The following CD4 variants were observed in gnomAD, a reference collection of about 807,000 sequenced individuals.
CD4 encodes T-cell surface glycoprotein CD4.
CD4 carries 25 observed loss-of-function variants against 50.5 expected under a neutral mutation model. The ratio of observed to expected loss-of-function variants is 0.49; its 90% CI spans 0.36 to 0.69. The LOEUF (loss-of-function observed/expected upper bound fraction) is 0.69, where lower values mean the gene tolerates loss of function less well. Ranked by LOEUF, CD4 falls within the 30% of genes least tolerant of loss-of-function variation. CD4 has a pLI of 0.00. For synonymous variants in CD4, 207 were observed against 221.9 expected (o/e 0.93, Z 0.60); for missense variants, 456 against 548.5 (o/e 0.83, Z 1.68).
At chr12:6,790,686 C>T (rs548904102) in intron 1 of CD4, among the ~76,000 whole-genome samples, 1 of 152,326 alleles carries the variant, frequency 6.6e-6, no homozygotes, top group East Asian at 1.9e-4. Flanking sequence ...CGCCCTCAGA[C>T]CTTTCCAGCC....
At chr12:6,799,637 C>T (rs11575094) in intron 1 of CD4, 507 of 155,612 alleles carry the variant, frequency 3.3e-3, no homozygotes, top group Admixed American at 4.3e-3. Context: ...CATGCCACCA[C>T]GCCCGGCTAA....
chr12:6,793,686 ATCT>A (rs1942250962), intron 1 of CD4, among the ~76,000 whole-genome samples: 1 of 95,116 alleles, frequency 1.1e-5, no homozygotes, highest in Non-Finnish European at 2.0e-5. Context: ...CTATCTATCT[ATCT>A]ATCTATCTAT....
rs28917506 is a variant in CD4 at position 6,815,168 on chromosome 12, G to A, written c.607+176G>A. ...GACTCACTGGGGCCCTCATCCTCAG[G>A]GGGCTGATTGGCAGCCACCCCTCAG... On this transcript the variant is annotated intron_variant, in intron 5 of 9. Coordinates refer to ENST00000011653, the MANE Select transcript of CD4 (RefSeq NM_000616.5). The A allele has an allele frequency of 5.1e-4, 299 of 583,558 alleles. 2 individuals are homozygous for A. Among genetic ancestry groups the A allele is most frequent in the African/African-American group, 3.8e-3 (201 of 52,302 alleles). 36.1% of individuals were successfully genotyped at this position (583,558 alleles called of 1,614,324 possible). A position where few individuals can be genotyped will look rare whatever the true frequency, so the allele number is the denominator to read the frequency against.
intron 3 of CD4, among the ~76,000 whole-genome samples, chr12:6,804,040 G>A (rs899357641): frequency 7.2e-5 from 11 of 151,842 alleles, no homozygotes; most frequent in African/African-American, 2.2e-4. Context: ...GAACCCAGGA[G>A]GCAGAGGTTG....
chr12:6,811,415 A>G (rs1942930859), intron 3 of CD4, among the ~76,000 whole-genome samples: 1 of 152,084 alleles, frequency 6.6e-6, no homozygotes, highest in Non-Finnish European at 1.5e-5. Flanking sequence ...TTCCAGAGAT[A>G]GCATTGCATA....
chr12:6,791,186 G>A (rs557859333), intron 1 of CD4, among the ~76,000 whole-genome samples: 3 of 152,336 alleles, frequency 2.0e-5, no homozygotes, highest in Non-Finnish European at 2.9e-5. Flanking sequence ...GACCCTGGCC[G>A]TAATGGCGGG....
In CD4 at chr12:6,818,500, T is replaced by C; in HGVS notation, c.1236T>C (p.Ile412=). 2 of 1,613,122 alleles carry C rather than the reference T, an allele frequency of 1.2e-6. No individual in the cohort carries two copies. The highest frequency in any genetic ancestry group is 8.5e-7 in the Non-Finnish European group (1 of 1,180,020). The part of the protein sequence containing the change: ...LGGVAGLLLF[I]GLGIFFCVRC... Reference sequence around the variant, plus strand: ...GCGTCGCCGGCCTCCTGCTTTTCATTGGGCTAGGCATCTTCTTCTGTGTCA... The same window carrying C: ...GCGTCGCCGGCCTCCTGCTTTTCATCGGGCTAGGCATCTTCTTCTGTGTCA... Residue 412 remains isoleucine, a synonymous_variant, in exon 8 of 10, where the codon ATT becomes ATC. Coordinates refer to ENST00000011653, the MANE Select transcript of CD4 (RefSeq NM_000616.5). This position sits in a 1 kb window ranked among gnomAD's most constrained non-coding sequence, Gnocchi z 5.0.
At position 6,816,547 on chromosome 12, in the gene CD4, T is replaced by C; in HGVS notation, c.955+144T>C. ...TGAAGTGAGGGAGGGCCCTCTGGGT[T>C]TGGGGCTGGTTTTGAACTGAGACAT... On this transcript the variant is annotated intron_variant, in intron 6 of 9. Transcript: ENST00000011653. This position sits in a 1 kb window ranked among gnomAD's most constrained non-coding sequence, Gnocchi z 4.9. The C allele has an allele frequency of 2.8e-6, 2 of 708,302 alleles. No homozygotes were observed. The highest frequency in any genetic ancestry group is 5.9e-5 in the Admixed American group (2 of 33,862). 43.9% of individuals were successfully genotyped at this position (708,302 alleles called of 1,614,324 possible).
chr12:6,813,276 C>T (rs1283138112), intron 3 of CD4, among the ~76,000 whole-genome samples: 2 of 149,004 alleles, frequency 1.3e-5, no homozygotes, highest in Admixed American at 6.7e-5. Context: ...AGGCTGATCT[C>T]GAACTCCTGG....
rs1555117627 is a variant in CD4 at position 6,814,846 on chromosome 12, A to G, written c.461A>G (p.Gln154Arg). Reference protein sequence around the residue: ...ESPPGSSPSVQCRSPRGKNIQ... With the variant: ...ESPPGSSPSVRCRSPRGKNIQ... ...CCCCCTGGTAGTAGCCCCTCAGTGCAATGTAGGAGTCCAAGGGGTAAAAAC... is the reference window on the plus strand; with the variant it reads ...CCCCCTGGTAGTAGCCCCTCAGTGCGATGTAGGAGTCCAAGGGGTAAAAAC... The change falls in exon 5 of 10, where the codon CAA (glutamine) becomes CGA (arginine). Residue 154 changes from glutamine to arginine, a missense_variant. By Grantham distance (43) the Gln-to-Arg change is conservative. Coordinates refer to ENST00000011653, the MANE Select transcript of CD4 (RefSeq NM_000616.5). 6.2e-7 allele frequency: 1 copy of G among 1,613,546 alleles called. No homozygotes were observed. Among genetic ancestry groups the G allele is most frequent in the African/African-American group, 1.3e-5 (1 of 74,926 alleles).
In CD4 at chr12:6,818,443, G is replaced by T; in HGVS notation, c.1179G>T (p.Pro393=). ...CAGTTCTGCCCACATGGTCCACCCCGGTGCAGCCAATGGCCCTGATTGTGC... is the reference window on the plus strand; with the variant it reads ...CAGTTCTGCCCACATGGTCCACCCCTGTGCAGCCAATGGCCCTGATTGTGC... ...NIKVLPTWST[P]VQPMALIVLG... Residue 393 remains proline (P), a synonymous_variant, in exon 8 of 10, where the codon CCG becomes CCT. Coordinates refer to ENST00000011653, the MANE Select transcript of CD4 (RefSeq NM_000616.5). The surrounding 1 kb of genome is among the most constrained non-coding windows in gnomAD (Gnocchi z 5.0). The T allele has an allele frequency of 1.2e-6, 2 of 1,612,718 alleles. No individual in the cohort carries two copies. Among genetic ancestry groups the T allele is most frequent in the Non-Finnish European group, 8.5e-7 (1 of 1,179,998 alleles).
chr12:6,798,570 C>T (rs1942448427), intron 1 of CD4, among the ~76,000 whole-genome samples: 1 of 152,202 alleles, frequency 6.6e-6, no homozygotes, highest in Non-Finnish European at 1.5e-5. Flanking sequence ...AGATTAACAG[C>T]ATCTCAAAGC....
At chr12:6,806,645 C>G (rs1555116220) in intron 3 of CD4, among the ~76,000 whole-genome samples, 1 of 152,144 alleles carries the variant, frequency 6.6e-6, no homozygotes, top group African/African-American at 2.4e-5. Flanking sequence ...AAAGGACATA[C>G]AGTTGGCAAA....
chr12:6,791,755 G>C (rs1450332613), intron 1 of CD4, among the ~76,000 whole-genome samples: 1 of 152,158 alleles, frequency 6.6e-6, no homozygotes, highest in East Asian at 1.9e-4. Flanking sequence ...GGTAGTGTGT[G>C]CCTGTGGTTC....
At chr12:6,812,571 C>G (rs782532379) in intron 3 of CD4, among the ~76,000 whole-genome samples, 1 of 151,758 alleles carries the variant, frequency 6.6e-6, no homozygotes, top group East Asian at 1.9e-4. Flanking sequence ...CTCAGCTACT[C>G]GGGAGGCAGA....
In CD4 at chr12:6,818,531, C is replaced by T. The variant is rs201103713; in HGVS notation, c.1267C>T (p.Arg423Trp). Residue 423 changes from arginine (R) to tryptophan (W), a missense_variant, in exon 8 of 10, where the codon CGG becomes TGG. Coordinates refer to ENST00000011653, the MANE Select transcript of CD4 (RefSeq NM_000616.5). The surrounding 1 kb of genome is among the most constrained non-coding windows in gnomAD (Gnocchi z 5.0). ...AGGCATCTTCTTCTGTGTCAGGTGC[C>T]GGCACCGAAGGGTGAGTAACCCCAC... ...GLGIFFCVRC[R>W]HRRRQAERMS... The T allele has an allele frequency of 3.4e-5, 55 of 1,612,762 alleles. No individual in the cohort carries two copies. The highest frequency in any genetic ancestry group is 1.6e-4 in the Middle Eastern group (1 of 6,084).
intron 3 of CD4, among the ~76,000 whole-genome samples, chr12:6,804,100 G>A (rs1483680530): frequency 6.7e-6 from 1 of 148,554 alleles, no homozygotes; most frequent in East Asian, 1.9e-4. Flanking sequence ...GACAGAGCAA[G>A]ACTCTGTCTC....
At chr12:6,804,307 A>G (rs28920469) in intron 3 of CD4, among the ~76,000 whole-genome samples, 110 of 151,740 alleles carry the variant, frequency 7.2e-4, no homozygotes, top group African/African-American at 2.6e-3. Context: ...ACTCTTATTC[A>G]ACATAATACT....
At chr12:6,801,371 G>A (rs1591548197) in intron 3 of CD4, among the ~76,000 whole-genome samples, 1 of 149,850 alleles carries the variant, frequency 6.7e-6, no homozygotes, top group Non-Finnish European at 1.5e-5. Flanking sequence ...ACAAAAATTA[G>A]CCAGGTGTGG....
Sources: gnomAD v4.1 joint callset for allele counts (sites outside exome capture counted in the v4.1 genomes callset) on GRCh38, gnomAD v4.1.1 for gene constraint, Gnocchi (gnomAD v3.1) non-coding constraint, MANE v1.5 for transcripts, NCBI Gene and HGNC (gene_info 2026-07-23, HGNC 2026-07-21) for gene names.